The following ACAP3 variants were observed in gnomAD, a reference collection of about 807,000 sequenced individuals.
ACAP3 encodes ArfGAP with coiled-coil, ankyrin repeat and PH domains 3.
Under a neutral mutation model 104.1 loss-of-function variants are expected in ACAP3, and 56 were observed. That is an observed-to-expected ratio of 0.54 (90% CI 0.43 to 0.67). ACAP3 has a LOEUF of 0.67. ACAP3 is among the 30% of genes least tolerant of loss of function. ACAP3 has a pLI of 0.00. For synonymous variants in ACAP3, 628 were observed against 496.2 expected (o/e 1.27, Z -3.53); for missense variants, 1,208 against 1,174.9 (o/e 1.03, Z -0.41).
At position 1,298,253 on chromosome 1, in the gene ACAP3, C is replaced by G. The variant is rs1292267087; in HGVS notation, c.915+117G>C. The G allele has an allele frequency of 5.7e-6, 9 of 1,580,308 alleles. No individual in the cohort carries two copies. In the South Asian group the frequency reaches 5.7e-5, roughly 10 times the overall value. On this transcript the variant is annotated intron_variant, in intron 12 of 23. Coordinates refer to ENST00000354700, the MANE Select transcript of ACAP3 (RefSeq NM_030649.3). ...TCCAGCTCTCTGCTCCCTGACTGTT[C>G]CGGCTCCGGCGTCCACTAGTGCCCC...
chr1:1,295,913 C>T lies in ACAP3; in HGVS notation c.1528G>A (p.Asp510Asn), dbSNP rs773447901. 15 of 1,612,438 alleles carry T rather than the reference C, an allele frequency of 9.3e-6. No homozygotes were observed. The highest frequency in any genetic ancestry group is 1.2e-5 in the Non-Finnish European group (14 of 1,179,976). The change falls in exon 18 of 24, where the codon GAC becomes AAC. Residue 510 changes from aspartate (D) to asparagine (N), a missense_variant. By Grantham distance (23) the Asp-to-Asn change is conservative. Transcript: ENST00000354700. Reference sequence around the variant, plus strand: ...AGAAACTTCTTTTCCACGTATTTGTCCTTGATCCAGGCCTCCTTGTCCTGC... The same window carrying T: ...AGAAACTTCTTTTCCACGTATTTGTTCTTGATCCAGGCCTCCTTGTCCTGC... ...SRQDKEAWIK[D>N]KYVEKKFLRK... is the part of the protein sequence containing the mutation.
At chr1:1,307,720 C>T (rs1641806205) in intron 1 of ACAP3, 49 bp downstream of exon 1, 2 of 1,083,864 alleles carry the variant, frequency 1.8e-6, no homozygotes, top group Non-Finnish European at 2.2e-6. Context: ...ACAAAGGCGA[C>T]AGCGACGCCC....
chr1:1,296,381 C>T, intron 15 of ACAP3, 44 bp downstream of exon 15: 1 of 1,532,984 alleles, frequency 6.5e-7, no homozygotes. Context: ...CCTGTGGATG[C>T]TCCAGCCCAA....
At position 1,298,677 on chromosome 1, in the gene ACAP3, G is replaced by A. The variant is rs142126197; in HGVS notation, c.753C>T (p.Asp251=). Residue 251 remains aspartate (D), a splice_region_variant and synonymous_variant, in exon 11 of 24, where the codon GAC becomes GAT. Transcript: ENST00000354700. ...CCACTTTGGACTCATCGTAGGAGAA[G>A]TCCTGGGGGGATGGAACCCGCCCCC... ...AAIQQRTLLQ[D]FSYDESKVEF... 1.4e-4 allele frequency: 220 copies of A among 1,611,740 alleles called. 1 individual carries two copies. In the African/African-American group the frequency reaches 2.7e-3, roughly 20 times the overall value.
intron 10 of ACAP3, chr1:1,298,920 C>T (rs376601411): frequency 1.6e-5 from 9 of 559,700 alleles, no homozygotes; most frequent in Admixed American, 6.9e-5. Flanking sequence ...CCGAGAGTGC[C>T]GGCCCCACCC....
At chr1:1,302,459 A>G (rs1641485218) in intron 4 of ACAP3, among the ~76,000 whole-genome samples, 1 of 152,168 alleles carries the variant, frequency 6.6e-6, no homozygotes, top group African/African-American at 2.4e-5. Context: ...GAAGTAGAGA[A>G]GGACCGGGCA....
chr1:1,303,045 G>A lies in ACAP3; in HGVS notation c.226-70C>T. 1.9e-6 allele frequency: 3 copies of A among 1,563,156 alleles called. No individual in the cohort carries two copies. Among genetic ancestry groups the A allele is most frequent in the Non-Finnish European group, 2.6e-6 (3 of 1,153,028 alleles). On this transcript the variant is annotated intron_variant, in intron 3 of 23. Transcript: ENST00000354700. This position sits in a 1 kb window ranked among gnomAD's most constrained non-coding sequence, Gnocchi z 4.0. ...CCCAGGTCACCCAGCCACGCCCTCT[G>A]AGCCCCTGGGCGGTGCAGACACCGG...
chr1:1,299,966 G>A lies in ACAP3; in HGVS notation c.663+7C>T. On this transcript the variant is annotated splice_region_variant and intron_variant, in intron 8 of 23. Transcript: ENST00000354700. ...CTGGCCCAGCCCCACCCCTCCCAAAGGCTCACCTCGGCTGCCAGCTTCTTC... is the reference window on the plus strand; with the variant it reads ...CTGGCCCAGCCCCACCCCTCCCAAAAGCTCACCTCGGCTGCCAGCTTCTTC... 2 of 1,607,348 alleles carry A rather than the reference G, an allele frequency of 1.2e-6. No individual in the cohort carries two copies. The highest frequency in any genetic ancestry group is 1.1e-5 in the South Asian group (1 of 90,846).
chr1:1,299,331 C>A lies in ACAP3; in HGVS notation c.750+14G>T. The A allele has an allele frequency of 1.3e-6, 2 of 1,594,990 alleles. No homozygotes were observed. Among genetic ancestry groups the A allele is most frequent in the Non-Finnish European group, 1.7e-6 (2 of 1,171,130 alleles). Reference sequence around the variant, plus strand: ...CCCCGACCCACAGCCCGCCCAGGGCCCGTGCTCACTTACCTGCAGCAGCGT... The same window carrying A: ...CCCCGACCCACAGCCCGCCCAGGGCACGTGCTCACTTACCTGCAGCAGCGT... On this transcript the variant is annotated intron_variant, in intron 10 of 23. Transcript: ENST00000354700.
intron 10 of ACAP3, chr1:1,298,917 T>C (rs1444796069): frequency 7.1e-6 from 4 of 566,600 alleles, no homozygotes; most frequent in Non-Finnish European, 1.2e-5. Context: ...GGCCCGAGAG[T>C]GCCGGCCCCA....
At position 1,303,966 on chromosome 1, in the gene ACAP3, C is replaced by A; in HGVS notation, c.105+120G>T. 1 of 1,222,020 alleles carries A rather than the reference C, an allele frequency of 8.2e-7. No homozygotes were observed. Among genetic ancestry groups the A allele is most frequent in the South Asian group, 1.4e-5 (1 of 73,010 alleles). The allele number at this position is 1,222,020 out of a possible 1,614,324, so 75.7% of individuals were successfully genotyped here. On this transcript the variant is annotated intron_variant, in intron 2 of 23. Transcript: ENST00000354700. This position sits in a 1 kb window ranked among gnomAD's most constrained non-coding sequence, Gnocchi z 4.0. ...GACACAGGGACCAGGACCTGGAGCA[C>A]CACACGCATGCTCCACATATGGGGG...
At chr1:1,299,589 A>T in intron 9 of ACAP3, 1 of 708,470 alleles carries the variant, frequency 1.4e-6, no homozygotes, top group African/African-American at 1.8e-5. Context: ...GCAAGGAGCC[A>T]GTGACTGAGG....
intron 4 of ACAP3, 90 bp downstream of exon 4, chr1:1,302,832 C>G: frequency 1.4e-6 from 1 of 700,862 alleles, no homozygotes; most frequent in Non-Finnish European, 2.2e-6. Context: ...AAACGTGCCC[C>G]CCCCAACCCG....
At chr1:1,294,378 G>A (rs370728965) in intron 21 of ACAP3, 24 bp downstream of exon 21, 4 of 1,555,458 alleles carry the variant, frequency 2.6e-6, no homozygotes, top group South Asian at 1.2e-5. Flanking sequence ...TGTGTCCTGC[G>A]CGCAGCCCCC....
chr1:1,302,005 G>T lies in ACAP3; in HGVS notation c.321C>A (p.Leu107=). ...CCACTCACTCTTTGACAAAGCTCTG[G>T]AGCTGCTGCCGCACGGACCTCTGGG... ...DQAQRSVRQQ[L]QSFVKEDVRK... is the part of the protein sequence containing the mutation. Residue 107 remains leucine (L), a synonymous_variant, in exon 5 of 24, where the codon CTC becomes CTA. Transcript: ENST00000354700. 1 of 1,574,064 alleles carries T rather than the reference G, an allele frequency of 6.4e-7. No individual in the cohort carries two copies. Among genetic ancestry groups the T allele is most frequent in the Non-Finnish European group, 8.6e-7 (1 of 1,158,366 alleles).
chr1:1,303,710 G>A lies in ACAP3; in HGVS notation c.105+376C>T, dbSNP rs1297887340. On this transcript the variant is annotated intron_variant, in intron 2 of 23. Transcript: ENST00000354700. The surrounding 1 kb of genome is among the most constrained non-coding windows in gnomAD (Gnocchi z 4.0). ...CAGCCCATGTGGGGCTCATGGACACGGCTCCCCCCTCCACGGCCTGTTGCC... is the reference window on the plus strand; with the variant it reads ...CAGCCCATGTGGGGCTCATGGACACAGCTCCCCCCTCCACGGCCTGTTGCC... 9 of 400,006 alleles carry A rather than the reference G, an allele frequency of 2.2e-5. No homozygotes were observed. Among genetic ancestry groups the A allele is most frequent in the African/African-American group, 4.3e-5 (2 of 46,774 alleles). The allele number at this position is 400,006 out of a possible 1,614,324, so 24.8% of individuals were successfully genotyped here. A position where few individuals can be genotyped will look rare whatever the true frequency, so the allele number is the denominator to read the frequency against.
Position 1,293,604 on chromosome 1 carries a change from C to T in ACAP3, c.2465G>A (p.Cys822Tyr). 2 of 1,489,490 alleles carry T rather than the reference C, an allele frequency of 1.3e-6. No homozygotes were observed. The highest frequency in any genetic ancestry group is 2.9e-5 in the African/African-American group (2 of 68,328). The allele number at this position is 1,489,490 out of a possible 1,614,324, so 92.3% of individuals were successfully genotyped here. A position where few individuals can be genotyped will look rare whatever the true frequency, so the allele number is the denominator to read the frequency against. The change falls in exon 24 of 24, where the codon TGT becomes TAT. Residue 822 changes from cysteine to tyrosine, a missense_variant. Coordinates refer to ENST00000354700, the MANE Select transcript of ACAP3 (RefSeq NM_030649.3). ...GTGGAGGCTGATGAACTCCTGGATACACCTGCGGAACTGGAGCTCCGTGGG... is the reference window on the plus strand; with the variant it reads ...GTGGAGGCTGATGAACTCCTGGATATACCTGCGGAACTGGAGCTCCGTGGG... ...GSPTELQFRR[C>Y]IQEFISLHLE...
rs778392163 is a variant in ACAP3 at position 1,300,217 on chromosome 1, G to A, written c.523-15C>T. 3.1e-6 allele frequency: 5 copies of A among 1,597,812 alleles called. No homozygotes were observed. Among genetic ancestry groups the A allele is most frequent in the Non-Finnish European group, 4.3e-6 (5 of 1,171,364 alleles). On this transcript the variant is annotated splice_polypyrimidine_tract_variant and intron_variant, in intron 6 of 23. Transcript: ENST00000354700. ...AGAACATTGATCTGCCAGAGGGGGA[G>A]CCCACAGGTGAGCCCCGGAGGCTGA...
At position 1,297,750 on chromosome 1, in the gene ACAP3, C is replaced by T. The variant is rs559570230; in HGVS notation, c.1128+72G>A. 1.8e-4 allele frequency: 264 copies of T among 1,432,306 alleles called. 24 individuals are homozygous for T. In the South Asian group the frequency reaches 3.1e-3, roughly 17 times the overall value. The allele number at this position is 1,432,306 out of a possible 1,614,324, so 88.7% of individuals were successfully genotyped here. A position where few individuals can be genotyped will look rare whatever the true frequency, so the allele number is the denominator to read the frequency against. ...GGTGGCACGTGTGTGTGTGCACAGG[C>T]GCGGGGCAGGGGCCATCCCCGGTGG... is the stretch of plus-strand genomic sequence containing the variant. On this transcript the variant is annotated intron_variant, in intron 14 of 23. Transcript: ENST00000354700.
Sources: gnomAD v4.1 joint callset for allele counts (sites outside exome capture counted in the v4.1 genomes callset) on GRCh38, gnomAD v4.1.1 for gene constraint, Gnocchi (gnomAD v3.1) non-coding constraint, MANE v1.5 for transcripts, NCBI Gene and HGNC (gene_info 2026-07-23, HGNC 2026-07-21) for gene names.